Variants in GPATCH2 observed in about 807,000 individuals in gnomAD.
The protein encoded by GPATCH2 is G-patch domain containing 2.
GPATCH2 carries 51 observed loss-of-function variants against 58.0 expected under a neutral mutation model. That is an observed-to-expected ratio of 0.88 (90% confidence interval 0.70 to 1.11). The LOEUF is 1.11. Among genes scored for constraint, GPATCH2 ranks in the 50% most tolerant of loss-of-function variants. The pLI is 0.00. For synonymous variants in GPATCH2, 222 were observed against 218.5 expected (o/e 1.02, Z -0.14); for missense variants, 625 against 652.2 (o/e 0.96, Z 0.45).
intron 8 of GPATCH2, among the ~76,000 whole-genome samples, chr1:217,459,198 A>G (rs887108051): frequency 3.9e-5 from 6 of 152,198 alleles, no homozygotes; most frequent in Non-Finnish European, 7.3e-5. Flanking sequence ...ACAAAGTATC[A>G]GTTATTCTTA....
chr1:217,494,715 G>A (rs1005805044), intron 7 of GPATCH2, among the ~76,000 whole-genome samples: 1 of 151,836 alleles, frequency 6.6e-6, no homozygotes, highest in Admixed American at 6.6e-5. Context: ...CTGCACTCCA[G>A]CCTGGATGAA....
At chr1:217,569,817 AAGACAAG>A (rs1255668822) in intron 5 of GPATCH2, among the ~76,000 whole-genome samples, 1 of 152,244 alleles carries the variant, frequency 6.6e-6, no homozygotes, top group Non-Finnish European at 1.5e-5. Context: ...TACCACAAGG[AAGACAAG>A]AGCCCAAGAG....
intron 5 of GPATCH2, among the ~76,000 whole-genome samples, chr1:217,598,811 G>A (rs1029881378): frequency 1.1e-4 from 16 of 152,158 alleles, no homozygotes; most frequent in Admixed American, 9.8e-4. Flanking sequence ...TCCCATCGTT[G>A]GAGCTACTGT....
intron 5 of GPATCH2, among the ~76,000 whole-genome samples, chr1:217,539,943 T>C (rs773070288): frequency 2.6e-5 from 4 of 152,196 alleles, no homozygotes; most frequent in Non-Finnish European, 5.9e-5. Context: ...TTTGAAATAG[T>C]CACTACTTTT....
intron 5 of GPATCH2, among the ~76,000 whole-genome samples, chr1:217,553,971 T>C (rs764195942): frequency 6.6e-6 from 1 of 152,166 alleles, no homozygotes; most frequent in East Asian, 1.9e-4. Flanking sequence ...AGCTCTGGCC[T>C]AGTGAACAAG....
chr1:217,611,044 T>C lies in GPATCH2; in HGVS notation c.863A>G (p.Tyr288Cys). The C allele has an allele frequency of 1.2e-6, 2 of 1,613,438 alleles. No individual in the cohort carries two copies. Among genetic ancestry groups the C allele is most frequent in the Non-Finnish European group, 1.7e-6 (2 of 1,179,718 alleles). The change falls in exon 4 of 10, where the codon TAC (tyrosine) becomes TGC (cysteine). Residue 288 changes from tyrosine (Y) to cysteine (C), a missense_variant. Physicochemically the swap from Tyr to Cys is radical, Grantham distance 194. Transcript: ENST00000366935. ...QGDDEQSDWF[Y>C]EKESGGACGI... ...ACATGCTCCACCTGATTCCTTTTCG[T>C]AGAACCAGTCACTCTGTTCATCATC...
chr1:217,467,944 C>T (rs1660537667), intron 8 of GPATCH2, among the ~76,000 whole-genome samples: 1 of 152,074 alleles, frequency 6.6e-6, no homozygotes, highest in African/African-American at 2.4e-5. Context: ...TCCCATTGGC[C>T]ACAGATGGGA....
chr1:217,612,135 G>C (rs1668664935), intron 3 of GPATCH2, among the ~76,000 whole-genome samples: 1 of 151,776 alleles, frequency 6.6e-6, no homozygotes, highest in Admixed American at 6.6e-5. Flanking sequence ...AGCTATGATT[G>C]CACCACCAGC....
intron 5 of GPATCH2, among the ~76,000 whole-genome samples, chr1:217,574,901 C>T (rs899155252): frequency 6.6e-6 from 1 of 152,146 alleles, no homozygotes; most frequent in African/African-American, 2.4e-5. Flanking sequence ...ATAAGGGAAA[C>T]ATAAAATTCA....
At chr1:217,570,277 A>T (rs147862091) in intron 5 of GPATCH2, among the ~76,000 whole-genome samples, 5,236 of 151,858 alleles carry the variant, frequency 0.034, 196 homozygotes, top group East Asian at 0.16. Context: ...ACGCCTGGCT[A>T]ATTTTTTGTA....
At chr1:217,534,842 T>C (rs1038950206) in intron 5 of GPATCH2, among the ~76,000 whole-genome samples, 1 of 152,214 alleles carries the variant, frequency 6.6e-6, no homozygotes. Flanking sequence ...CTCAGTTACT[T>C]AGCTCAACTT....
Position 217,624,673 on chromosome 1 carries a change from T to A in GPATCH2, c.57-4174A>T, listed in dbSNP as rs575444793. Among the ~76,000 whole-genome samples, 3 of 152,336 alleles carry A rather than the reference T, an allele frequency of 2.0e-5. No individual in the cohort carries two copies. In the South Asian group the frequency reaches 6.2e-4, roughly 32 times the overall value. ...TAGTTTCTTAAATAAGAATTTCCTA[T>A]TAAAGGGGAAACCTGGAAATATAGC... On this transcript the variant is annotated intron_variant, in intron 1 of 9. Coordinates refer to ENST00000366935, the MANE Select transcript of GPATCH2 (RefSeq NM_018040.5).
intron 5 of GPATCH2, among the ~76,000 whole-genome samples, chr1:217,578,253 G>A (rs867197336): frequency 6.6e-6 from 1 of 151,546 alleles, no homozygotes; most frequent in African/African-American, 2.4e-5. Context: ...TTTTAAGACC[G>A]GGTCTTGCTC....
intron 5 of GPATCH2, among the ~76,000 whole-genome samples, chr1:217,550,962 C>A (rs1202123711): frequency 6.6e-6 from 1 of 151,624 alleles, no homozygotes; most frequent in Non-Finnish European, 1.5e-5. Context: ...TAATCAGAGA[C>A]TTTATGAAGA....
chr1:217,474,278 G>C lies in GPATCH2; in HGVS notation c.1277+17402C>G, dbSNP rs149236508. ...ATTGATGAAGTAGAACTTCCTCATA[G>C]AAAGGATTAAAATAGTTAAAATGAG... On this transcript the variant is annotated intron_variant, in intron 8 of 9. Coordinates refer to ENST00000366935, the MANE Select transcript of GPATCH2 (RefSeq NM_018040.5). Among the ~76,000 whole-genome samples the C allele has an allele frequency of 2.9e-3, 448 of 152,258 alleles. 3 individuals are homozygous for C. The highest frequency in any genetic ancestry group is 9.9e-3 in the African/African-American group (413 of 41,562).
intron 8 of GPATCH2, among the ~76,000 whole-genome samples, chr1:217,466,104 CA>C (rs1010587139): frequency 3.9e-5 from 6 of 152,196 alleles, no homozygotes; most frequent in African/African-American, 1.4e-4. Context: ...CTGCTAATAA[CA>C]AGCAAGAACT....
At chr1:217,455,218 C>A (rs1290302937) in intron 8 of GPATCH2, among the ~76,000 whole-genome samples, 1 of 152,172 alleles carries the variant, frequency 6.6e-6, no homozygotes, top group African/African-American at 2.4e-5. Flanking sequence ...TACCACAAAC[C>A]TTGTAGTAAC....
intron 5 of GPATCH2, among the ~76,000 whole-genome samples, chr1:217,532,466 T>C (rs1218027237): frequency 6.6e-6 from 1 of 152,140 alleles, no homozygotes; most frequent in Non-Finnish European, 1.5e-5. Flanking sequence ...TGACTATGTA[T>C]ACTGAGCAAG....
At chr1:217,526,511 AG>A (rs1317029493) in intron 5 of GPATCH2, among the ~76,000 whole-genome samples, 14 of 152,346 alleles carry the variant, frequency 9.2e-5, no homozygotes, top group South Asian at 2.1e-4. Flanking sequence ...AATTAAAAAG[AG>A]GTAAAATATT....
Sources: allele counts gnomAD v4.1 joint callset (sites outside exome capture counted in the v4.1 genomes callset), GRCh38; gene constraint gnomAD v4.1.1; transcripts MANE v1.5; gene names NCBI Gene and HGNC (gene_info 2026-07-23, HGNC 2026-07-21).